Variants in RGS20 observed in about 807,000 individuals in gnomAD.
RGS20 encodes gz-selective GTPase-activating protein.
Under a neutral mutation model 33.6 loss-of-function variants are expected in RGS20, and 30 were observed. The ratio of observed to expected loss-of-function variants is 0.89; its 90% CI spans 0.67 to 1.21. The LOEUF (loss-of-function observed/expected upper bound fraction) is 1.21. Ranked by LOEUF, RGS20 falls within the 50% of genes most tolerant of loss-of-function variation. The pLI is 0.00. For synonymous variants in RGS20, 208 were observed against 197.9 expected (o/e 1.05, Z -0.43); for missense variants, 472 against 502.4 (o/e 0.94, Z 0.58).
At chr8:53,869,271 G>T (rs977717527) in intron 1 of RGS20, among the ~76,000 whole-genome samples, 2 of 152,186 alleles carry the variant, frequency 1.3e-5, no homozygotes, top group Non-Finnish European at 2.9e-5. Flanking sequence ...AAAGTGGGGA[G>T]AAAGCACAGG....
chr8:53,933,048 G>A (rs564837226), intron 2 of RGS20, among the ~76,000 whole-genome samples: 3 of 152,240 alleles, frequency 2.0e-5, no homozygotes, highest in South Asian at 4.1e-4. Context: ...GCTAACAAAC[G>A]AAAGGAATAG....
chr8:53,938,833 T>A (rs952714850), intron 2 of RGS20, among the ~76,000 whole-genome samples: 4 of 152,208 alleles, frequency 2.6e-5, no homozygotes, highest in Non-Finnish European at 4.4e-5. Flanking sequence ...GGGCAGAGGC[T>A]GAAGGGCACA....
intron 3 of RGS20, among the ~76,000 whole-genome samples, chr8:53,945,616 T>A (rs1490789779): frequency 2.0e-5 from 3 of 152,160 alleles, no homozygotes; most frequent in Non-Finnish European, 2.9e-5. Flanking sequence ...GATAGCTCAA[T>A]AAAGTGATTA....
At chr8:53,881,273 G>C (rs569950800) in intron 2 of RGS20, among the ~76,000 whole-genome samples, 189 bp downstream of exon 1, 1 of 147,268 alleles carries the variant, frequency 6.8e-6, no homozygotes, top group East Asian at 1.9e-4. Flanking sequence ...GGGGAGTGGG[G>C]CTGCGAGTGC....
intron 2 of RGS20, among the ~76,000 whole-genome samples, chr8:53,905,880 T>G (rs565530005): frequency 1.3e-4 from 20 of 152,232 alleles, no homozygotes; most frequent in Non-Finnish European, 1.8e-4. Flanking sequence ...CTTCAGGTTC[T>G]GGAAGCCTAG....
chr8:53,946,828 A>G, intron 4 of RGS20, 80 bp downstream of exon 3: 2 of 1,160,262 alleles, frequency 1.7e-6, no homozygotes, highest in Non-Finnish European at 1.3e-6. Flanking sequence ...GTATGTTTCA[A>G]CAGAACACAT....
At chr8:53,887,838 T>TGTG (rs1812593177) in intron 2 of RGS20, among the ~76,000 whole-genome samples, 1 of 152,014 alleles carries the variant, frequency 6.6e-6, no homozygotes, top group Non-Finnish European at 1.5e-5. Flanking sequence ...ATTAGCTGGG[T>TGTG]GTGGTGGTGC....
In RGS20 at chr8:53,958,279, G is replaced by C; in HGVS notation, c.988G>C (p.Asp330His). The C allele has an allele frequency of 6.2e-7, 1 of 1,608,940 alleles. No individual in the cohort carries two copies. The stretch of plus-strand genomic sequence containing the variant: ...TCGTTTCTGTCGACAGGTGAGCTTA[G>C]ACTCCCGGGTGAGAGAAGTGATCAA... Residue 330 changes from aspartate to histidine, a missense_variant, in exon 6 of 6, where the codon GAC becomes CAC. Physicochemically the swap from Asp to His is moderately conservative, Grantham distance 81. Transcript: ENST00000297313.
chr8:53,909,207 G>GTATATA (rs1198520966), intron 2 of RGS20, among the ~76,000 whole-genome samples: 3 of 83,138 alleles, frequency 3.6e-5, no homozygotes, highest in Admixed American at 1.5e-4. Flanking sequence ...TATGGTATGT[G>GTATATA]TGTATATATA....
intron 1 of RGS20, among the ~76,000 whole-genome samples, chr8:53,853,274 C>T (rs1403911383): frequency 6.6e-6 from 1 of 152,146 alleles, no homozygotes; most frequent in Non-Finnish European, 1.5e-5. Context: ...TATATGCACC[C>T]ACACACACAT....
At position 53,942,214 on chromosome 8, in the gene RGS20, G is replaced by C. The variant is rs182460714; in HGVS notation, c.659+2490G>C. 6.6e-5 allele frequency among the ~76,000 whole-genome samples: 10 copies of C among 152,004 alleles called. No homozygotes were observed. In the East Asian group the frequency reaches 1.9e-3, roughly 29 times the overall value. On this transcript the variant is annotated intron_variant, in intron 3 of 5. Transcript: ENST00000297313. ...CTTGAACCTGGGAGGCAGAGGTTTC[G>C]GTGAGCCGAGATTGCACCATTGCAC... is the stretch of plus-strand genomic sequence containing the variant.
At chr8:53,857,024 C>A (rs1811689025) in intron 1 of RGS20, among the ~76,000 whole-genome samples, 1 of 152,194 alleles carries the variant, frequency 6.6e-6, no homozygotes, top group African/African-American at 2.4e-5. Context: ...TGGCCAAACA[C>A]CTTACCATAA....
chr8:53,947,793 A>T (rs889282569), intron 4 of RGS20, among the ~76,000 whole-genome samples: 1 of 134,258 alleles, frequency 7.4e-6, no homozygotes, highest in South Asian at 2.3e-4. Context: ...ATATACATTT[A>T]TATATGCTAT....
intron 2 of RGS20, among the ~76,000 whole-genome samples, chr8:53,885,859 G>A (rs1170687562): frequency 7.9e-6 from 1 of 127,256 alleles, no homozygotes; most frequent in South Asian, 2.5e-4. Context: ...TGAATACTTT[G>A]CATCTTGGGA....
At chr8:53,956,076 C>T (rs1012832538) in intron 5 of RGS20, among the ~76,000 whole-genome samples, 1 of 151,598 alleles carries the variant, frequency 6.6e-6, no homozygotes, top group Non-Finnish European at 1.5e-5. Context: ...AAGGGGTGGG[C>T]GAGAATGAGA....
At chr8:53,899,472 C>T (rs774993827) in intron 2 of RGS20, among the ~76,000 whole-genome samples, 8 of 152,170 alleles carry the variant, frequency 5.3e-5, no homozygotes, top group African/African-American at 1.9e-4. Flanking sequence ...TGTTTTATGA[C>T]ATCCATTCAT....
chr8:53,916,963 C>T (rs1000962491), intron 2 of RGS20, among the ~76,000 whole-genome samples: 1 of 152,076 alleles, frequency 6.6e-6, no homozygotes, highest in African/African-American at 2.4e-5. Flanking sequence ...TCATAAAGGC[C>T]CCATTCTCAT....
chr8:53,879,558 C>A lies in RGS20; in HGVS notation c.466C>A (p.Pro156Thr). 2 of 1,539,658 alleles carry A rather than the reference C, an allele frequency of 1.3e-6. No individual in the cohort carries two copies. Among genetic ancestry groups the A allele is most frequent in the Admixed American group, 4.1e-5 (2 of 49,230 alleles). Residue 156 changes from proline (P) to threonine (T), a missense_variant, in exon 2 of 6, where the codon CCC becomes ACC. Physicochemically the swap from Pro to Thr is conservative, Grantham distance 38 (BLOSUM62 -1). Around this residue, in one of 3 missense-constraint regions of RGS20, gnomAD observed 319 missense variants for 283.4 expected, o/e 1.13. Coordinates refer to ENST00000297313, the MANE Select transcript of RGS20 (RefSeq NM_170587.4). Reference sequence around the variant, plus strand: ...GAGGCCCCCCCATCCGGTAGCCAAGCCCAGGGAAGAAGACGCCACCGCTGG... The same window carrying A: ...GAGGCCCCCCCATCCGGTAGCCAAGACCAGGGAAGAAGACGCCACCGCTGG...
At chr8:53,875,253 G>A (rs1358390240) in intron 1 of RGS20, among the ~76,000 whole-genome samples, 1 of 151,858 alleles carries the variant, frequency 6.6e-6, no homozygotes, top group Non-Finnish European at 1.5e-5. Flanking sequence ...CCAACATGGT[G>A]AAACCCCATC....
Sources: gnomAD v4.1 joint callset for allele counts (sites outside exome capture counted in the v4.1 genomes callset) on GRCh38, gnomAD v4.1.1 for gene constraint, gnomAD v4.1.1 regional missense constraint, MANE v1.5 for transcripts, NCBI Gene and HGNC (gene_info 2026-07-23, HGNC 2026-07-21) for gene names.